The following CDH18 variants were observed in gnomAD, a reference collection of about 807,000 sequenced individuals.
CDH18 encodes the protein cadherin 18, also known as cadherin-18.
A neutral mutation model predicts 67.9 loss-of-function variants in CDH18; 31 were observed. The ratio of observed to expected loss-of-function variants is 0.46; its 90% confidence interval spans 0.34 to 0.62. The LOEUF is 0.62. Ranked by LOEUF, CDH18 falls within the 20% of genes least tolerant of loss-of-function variation. The pLI is 0.01. For missense variants in CDH18, 890 were observed against 975.5 expected, an observed-to-expected ratio of 0.91 and a Z score of 1.17; for synonymous variants, 362 against 347.2, an observed-to-expected ratio of 1.04 and a Z score of -0.48.
intron 6 of CDH18, among the ~76,000 whole-genome samples, chr5:19,602,900 G>T (rs1455504575): frequency 6.6e-6 from 1 of 152,116 alleles, no homozygotes; most frequent in African/African-American, 2.4e-5. Context: ...AGGAGGCGGA[G>T]GGTGCAGTGA....
rs1331316655 is a variant in CDH18 at position 19,483,332 on chromosome 5, G to A, written c.1851C>T (p.Ile617=). 1.2e-6 allele frequency: 2 copies of A among 1,613,808 alleles called. No homozygotes were observed. Among genetic ancestry groups the A allele is most frequent in the East Asian group, 4.5e-5 (2 of 44,864 alleles). The change falls in exon 12 of 13, where the codon ATC becomes ATT. Residue 617 remains isoleucine, a synonymous_variant. Coordinates refer to ENST00000382275, the MANE Select transcript of CDH18 (RefSeq NM_004934.5). ...SSAGLSTGAL[I]AILLCVLILL... ...GAATGAGAACACAGAGAAGAATAGC[G>A]ATTAAGGCTCCTGTACTCAAACCAG... is the stretch of plus-strand genomic sequence containing the variant.
chr5:20,037,779 T>A (rs1430932525), intron 2 of CDH18, among the ~76,000 whole-genome samples: 1 of 151,862 alleles, frequency 6.6e-6, no homozygotes, highest in Non-Finnish European at 1.5e-5. Flanking sequence ...CACCCCAGCA[T>A]CACAATGCAA....
At chr5:20,162,641 A>G (rs1735979603) in intron 2 of CDH18, among the ~76,000 whole-genome samples, 1 of 151,128 alleles carries the variant, frequency 6.6e-6, no homozygotes, top group Non-Finnish European at 1.5e-5. Context: ...AACAAATCTC[A>G]TGTCTTAGTG....
chr5:20,409,961 T>C (rs1455812525), intron 1 of CDH18, among the ~76,000 whole-genome samples: 1 of 151,622 alleles, frequency 6.6e-6, no homozygotes, highest in Admixed American at 6.6e-5. Flanking sequence ...AAAATCTAAA[T>C]GGATTTATAA....
intron 1 of CDH18, among the ~76,000 whole-genome samples, chr5:20,365,102 G>A (rs1413293898): frequency 1.3e-5 from 2 of 152,190 alleles, no homozygotes; most frequent in African/African-American, 4.8e-5. Flanking sequence ...GATTTAAACA[G>A]CAAAAATTTA....
chr5:19,501,514 G>GAA (rs33928797), intron 11 of CDH18, among the ~76,000 whole-genome samples: 198 of 121,624 alleles, frequency 1.6e-3, no homozygotes, highest in East Asian at 2.9e-3. Flanking sequence ...TCTTAAAAAA[G>GAA]AAAAAAAAAA....
intron 2 of CDH18, chr5:20,159,096 T>C (rs1056062723): frequency 1.3e-5 from 2 of 152,244 alleles, no homozygotes; most frequent in African/African-American, 2.4e-5. Context: ...TCAATCTTGA[T>C]GATGAAAAAG....
At chr5:19,551,797 C>G (rs988898397) in intron 8 of CDH18, among the ~76,000 whole-genome samples, 1 of 152,084 alleles carries the variant, frequency 6.6e-6, no homozygotes, top group Non-Finnish European at 1.5e-5. Context: ...AAACAAGAGT[C>G]TCTATATAAA....
intron 3 of CDH18, among the ~76,000 whole-genome samples, chr5:19,751,889 AT>A (rs1770896208): frequency 6.6e-6 from 1 of 152,170 alleles, no homozygotes; most frequent in African/African-American, 2.4e-5. Flanking sequence ...GGAGGCTCAC[AT>A]TGTTAATTTT....
intron 2 of CDH18, among the ~76,000 whole-genome samples, chr5:20,178,396 A>T (rs968221514): frequency 6.6e-6 from 1 of 151,600 alleles, no homozygotes; most frequent in Non-Finnish European, 1.5e-5. Flanking sequence ...GTTTCTCTGG[A>T]AATCGTGACT....
chr5:20,373,388 C>T (rs1743160373), intron 1 of CDH18, among the ~76,000 whole-genome samples: 1 of 152,074 alleles, frequency 6.6e-6, no homozygotes, highest in Non-Finnish European at 1.5e-5. Context: ...TTAAAAATTC[C>T]CAGACCCCAG....
intron 1 of CDH18, among the ~76,000 whole-genome samples, chr5:20,452,939 G>A (rs747279857): frequency 1.3e-5 from 2 of 152,006 alleles, no homozygotes; most frequent in East Asian, 1.9e-4. Context: ...CCACACCAAC[G>A]ATAGAGAATT....
rs546790685 is a variant in CDH18, at chr5:20,471,399, T to G, written c.-580+104063A>C. ...CTATCCACTTCAAGAGTATTCATCA[T>G]AAATCATGGTAATCTTTTTAATATA... is the stretch of plus-strand genomic sequence containing the variant. On this transcript the variant is annotated intron_variant, in intron 1 of 14. Coordinates refer to the CDH18 transcript ENST00000507958. Among the ~76,000 whole-genome samples, 9 of 152,290 alleles carry G rather than the reference T, an allele frequency of 5.9e-5. No homozygotes were observed. The South Asian group carries it at 1.9e-3, about 32-fold the overall frequency.
At chr5:19,795,567 C>T (rs1452902751) in intron 3 of CDH18, among the ~76,000 whole-genome samples, 1 of 152,050 alleles carries the variant, frequency 6.6e-6, no homozygotes, top group Non-Finnish European at 1.5e-5. Flanking sequence ...AAAAATTAGG[C>T]CAAGCCCCAC....
chr5:19,763,088 G>A (rs771569328), intron 3 of CDH18, among the ~76,000 whole-genome samples: 3 of 152,108 alleles, frequency 2.0e-5, no homozygotes, highest in Non-Finnish European at 4.4e-5. Context: ...TCACACACCA[G>A]GGCCTGTCAT....
At chr5:19,675,895 T>C (rs1390999829) in intron 5 of CDH18, among the ~76,000 whole-genome samples, 1 of 151,968 alleles carries the variant, frequency 6.6e-6, no homozygotes, top group Non-Finnish European at 1.5e-5. Flanking sequence ...CTAATAAACG[T>C]CCATGAAATC....
At chr5:19,918,075 T>A (rs190158920) in intron 2 of CDH18, among the ~76,000 whole-genome samples, 1 of 152,184 alleles carries the variant, frequency 6.6e-6, no homozygotes, top group African/African-American at 2.4e-5. Flanking sequence ...AAAAAATATG[T>A]CTCTTAATGT....
intron 2 of CDH18, among the ~76,000 whole-genome samples, chr5:20,147,817 C>T (rs1023176419): frequency 1.3e-5 from 2 of 151,948 alleles, no homozygotes; most frequent in South Asian, 2.1e-4. Context: ...TGTTTGTTGT[C>T]ACAGAAAGCT....
intron 5 of CDH18, among the ~76,000 whole-genome samples, chr5:19,719,266 C>T (rs1374385157): frequency 2.0e-5 from 3 of 151,826 alleles, no homozygotes; most frequent in African/African-American, 4.8e-5. Context: ...TGTATGGCAT[C>T]GTTAATGGAC....
Sources: gnomAD v4.1 joint callset for allele counts (sites outside exome capture counted in the v4.1 genomes callset) on GRCh38, gnomAD v4.1.1 for gene constraint, MANE v1.5 for transcripts, NCBI Gene and HGNC (gene_info 2026-07-23, HGNC 2026-07-21) for gene names.